The following PIK3CD variants were observed in gnomAD, a reference collection of about 807,000 sequenced individuals.
The protein encoded by PIK3CD is phosphatidylinositol 4,5-bisphosphate 3-kinase catalytic subunit delta isoform.
In PIK3CD, 20 loss-of-function variants were observed where a neutral mutation model predicts 122.9. The ratio of observed to expected loss-of-function variants is 0.16; its 90% CI spans 0.11 to 0.24. The LOEUF (loss-of-function observed/expected upper bound fraction) is 0.24, where lower values mean the gene tolerates loss of function less well. PIK3CD is among the 10% of genes least tolerant of loss of function. The pLI is 1.00. For missense variants in PIK3CD, 787 were observed against 1,406.3 expected, an observed-to-expected ratio of 0.56 and a Z score of 7.04; for synonymous variants, 596 against 593.4, an observed-to-expected ratio of 1.00 and a Z score of -0.06.
chr1:9,666,227 CTTTTTTTT>C (rs573382597), intron 1 of PIK3CD, among the ~76,000 whole-genome samples: 19 of 44,194 alleles, frequency 4.3e-4, no homozygotes, highest in African/African-American at 1.8e-3. Context: ...CGCGCCCGGT[CTTTTTTTT>C]TTTTTTTTTT....
rs370548772 is a variant in PIK3CD, at chr1:9,722,013, C to T, written c.2094C>T (p.Phe698=). Residue 698 remains phenylalanine (F), a synonymous_variant, in exon 17 of 24, where the codon TTC becomes TTT. Transcript: ENST00000377346. The surrounding 1 kb of genome is among the most constrained non-coding windows in gnomAD (Gnocchi z 7.6). ...GCAAACTGAAGGCCCTGAATGACTT[C>T]GTCAAGCTGAGCTCTCAGAAGACCC... ...ALSKLKALND[F]VKLSSQKTPK... is the part of the protein sequence containing the mutation. The T allele has an allele frequency of 5.9e-4, 950 of 1,613,738 alleles. 1 individual carries two copies. Among genetic ancestry groups the T allele is most frequent in the Non-Finnish European group, 7.4e-4 (872 of 1,180,030 alleles).
chr1:9,677,619 T>C (rs1645586231), intron 1 of PIK3CD, among the ~76,000 whole-genome samples: 1 of 138,614 alleles, frequency 7.2e-6, no homozygotes, highest in Non-Finnish European at 1.5e-5. Flanking sequence ...CATTCCAGCC[T>C]GAGTGAAAAA....
At chr1:9,668,502 G>A (rs1478806718) in intron 1 of PIK3CD, among the ~76,000 whole-genome samples, 4 of 150,598 alleles carry the variant, frequency 2.7e-5, no homozygotes, top group East Asian at 3.9e-4. Context: ...TAGTTTTTGG[G>A]GTACAGGTGG....
At chr1:9,725,603 G>A (rs1649417498) in intron 23 of PIK3CD, among the ~76,000 whole-genome samples, 1 of 151,640 alleles carries the variant, frequency 6.6e-6, no homozygotes. Context: ...TCCAGGCCGG[G>A]TGCGGTGGCT....
chr1:9,667,908 G>GTTTT (rs745429754), intron 1 of PIK3CD, among the ~76,000 whole-genome samples: 114 of 55,090 alleles, frequency 2.1e-3, no homozygotes, highest in Non-Finnish European at 2.4e-3. Flanking sequence ...GCTAATTTTT[G>GTTTT]TTTTTTTTTT....
chr1:9,727,169 C>T lies in PIK3CD; in HGVS notation c.*123C>T, dbSNP rs2101044284. ...AACGGGAAAGAACCGACATGGCTGC[C>T]TTTTGTTTACACTGGTTATTTATTT... On this transcript the variant is annotated 3_prime_UTR_variant, in exon 24 of 24. Coordinates refer to ENST00000377346, the MANE Select transcript of PIK3CD (RefSeq NM_005026.5). 1 of 1,087,376 alleles carries T rather than the reference C, an allele frequency of 9.2e-7. No individual in the cohort carries two copies. Among genetic ancestry groups the T allele is most frequent in the Non-Finnish European group, 1.4e-6 (1 of 723,508 alleles). 67.4% of individuals were successfully genotyped at this position (1,087,376 alleles called of 1,614,324 possible). A position where few individuals can be genotyped will look rare whatever the true frequency, so the allele number is the denominator to read the frequency against.
the PIK3CD span, among the ~76,000 whole-genome samples, chr1:9,641,672 TC>T: frequency 6.6e-6 from 1 of 151,838 alleles, no homozygotes; most frequent in African/African-American, 2.4e-5. Context: ...AGGGGCACCA[TC>T]CCCTCCACCT....
chr1:9,721,892 G>A, intron 16 of PIK3CD, 32 bp downstream of exon 16: 1 of 1,611,996 alleles, frequency 6.2e-7, no homozygotes, highest in South Asian at 1.1e-5. Context: ...GGCGGGCAGG[G>A]GGCGGCCCTG....
chr1:9,634,253 A>AAG, the PIK3CD span, among the ~76,000 whole-genome samples: 2 of 150,152 alleles, frequency 1.3e-5, no homozygotes, highest in Non-Finnish European at 3.0e-5. Flanking sequence ...TTCCAGGTTC[A>AAG]AGCGATTCTC....
At chr1:9,709,068 T>G (rs1646950671) in intron 2 of PIK3CD, among the ~76,000 whole-genome samples, 1 of 151,938 alleles carries the variant, frequency 6.6e-6, no homozygotes. Flanking sequence ...TCGCTCTTGT[T>G]ACCCAGGCTG....
chr1:9,659,882 C>T (rs1289800900), intron 1 of PIK3CD, among the ~76,000 whole-genome samples: 1 of 152,146 alleles, frequency 6.6e-6, no homozygotes, highest in East Asian at 1.9e-4. Context: ...TCCTGAGTAG[C>T]TGGAATTACA....
At chr1:9,705,541 C>A (rs1646799030) in intron 2 of PIK3CD, among the ~76,000 whole-genome samples, 1 of 151,656 alleles carries the variant, frequency 6.6e-6, no homozygotes, top group Non-Finnish European at 1.5e-5. Flanking sequence ...CTTCTACTCA[C>A]CAAAAAGACA....
chr1:9,682,840 A>G (rs1378365727), intron 1 of PIK3CD, among the ~76,000 whole-genome samples: 1 of 152,140 alleles, frequency 6.6e-6, no homozygotes, highest in East Asian at 1.9e-4. Context: ...ATGAGCCACC[A>G]CTGGGGTTTT....
At position 9,673,385 on chromosome 1, in the gene PIK3CD, G is replaced by A. The variant is rs921517836; in HGVS notation, c.-137-18082G>A. On this transcript the variant is annotated intron_variant, in intron 1 of 23. Coordinates refer to ENST00000377346, the MANE Select transcript of PIK3CD (RefSeq NM_005026.5). ...AGCAAACCTCTTGCCTCAGCCTCCC[G>A]TGTAGCTAGGATTACAGTCGTGCAC... Among the ~76,000 whole-genome samples the A allele has an allele frequency of 5.9e-5, 9 of 151,998 alleles. No individual in the cohort carries two copies. In the East Asian group the frequency reaches 1.3e-3, roughly 23 times the overall value.
chr1:9,646,976 T>C (rs1011642855), upstream of PIK3CD, among the ~76,000 whole-genome samples: 1 of 148,854 alleles, frequency 6.7e-6, no homozygotes, highest in Non-Finnish European at 1.5e-5. Context: ...CTGGGCATGG[T>C]GGCGGGCGCC....
chr1:9,643,401 C>T, the PIK3CD span, among the ~76,000 whole-genome samples: 4 of 137,216 alleles, frequency 2.9e-5, no homozygotes, highest in Non-Finnish European at 6.1e-5. Flanking sequence ...GAGTGGGACT[C>T]CACCTGAAGA....
upstream of PIK3CD, among the ~76,000 whole-genome samples, chr1:9,649,593 C>T (rs1441629642): frequency 6.6e-6 from 1 of 152,142 alleles, no homozygotes; most frequent in Non-Finnish European, 1.5e-5. Context: ...TCCTGAGAGG[C>T]CCAGGCATCT....
rs1179436762 is a variant in PIK3CD, at chr1:9,689,124, ATGCCT to A, written c.-137-2339_-137-2335del. Reference sequence around the variant, plus strand: ...GTCCAGTACCCCGCCCTTTCTGCGGATGCCTTGCAAAGCGGGGAGCGGAAAGCAGT... The same window carrying A: ...GTCCAGTACCCCGCCCTTTCTGCGGATGCAAAGCGGGGAGCGGAAAGCAGT... On this transcript the variant is annotated intron_variant, in intron 1 of 23. Coordinates refer to ENST00000377346, the MANE Select transcript of PIK3CD (RefSeq NM_005026.5). The surrounding 1 kb of genome is among the most constrained non-coding windows in gnomAD (Gnocchi z 6.1). Among the ~76,000 whole-genome samples the A allele has an allele frequency of 6.6e-6, 1 of 152,156 alleles. No homozygotes were observed. The highest frequency in any genetic ancestry group is 1.5e-5 in the Non-Finnish European group (1 of 68,020).
chr1:9,701,475 C>T (rs771302226), intron 2 of PIK3CD, among the ~76,000 whole-genome samples: 33 of 152,072 alleles, frequency 2.2e-4, no homozygotes, highest in Non-Finnish European at 4.6e-4. Flanking sequence ...GGTTCAGGAC[C>T]AGCCTGGCCA....
Sources: allele counts gnomAD v4.1 joint callset (sites outside exome capture counted in the v4.1 genomes callset), GRCh38; gene constraint gnomAD v4.1.1; non-coding constraint Gnocchi (gnomAD v3.1); transcripts MANE v1.5; gene names NCBI Gene and HGNC (gene_info 2026-07-23, HGNC 2026-07-21).